The following DGKH variants were observed in gnomAD, a reference collection of about 807,000 sequenced individuals.
DGKH encodes DAG kinase eta.
In DGKH, 90 loss-of-function variants were observed where a neutral mutation model predicts 159.3. The observed-to-expected ratio is 0.57, with a 90% CI of 0.48 to 0.67. DGKH has a LOEUF of 0.67. DGKH is among the 30% of genes least tolerant of loss of function. DGKH has a pLI of 0.00. For synonymous variants in DGKH, 536 were observed against 553.8 expected (o/e 0.97, Z 0.45); for missense variants, 1,181 against 1,506.1 (o/e 0.78, Z 3.57).
chr13:42,089,545 T>C (rs778926478), intron 1 of DGKH, among the ~76,000 whole-genome samples: 12 of 152,206 alleles, frequency 7.9e-5, no homozygotes, highest in Non-Finnish European at 1.8e-4. Context: ...AGAATCTATT[T>C]CTTTGCCTTC....
intron 15 of DGKH, 132 bp downstream of exon 15, chr13:42,189,441 G>A (rs961390737): frequency 8.3e-7 from 1 of 1,208,352 alleles, no homozygotes; most frequent in Non-Finnish European, 1.1e-6. Context: ...AGAAGATACA[G>A]TCATTATAAG....
At chr13:42,120,180 G>A (rs1425892352) in intron 1 of DGKH, among the ~76,000 whole-genome samples, 3 of 152,140 alleles carry the variant, frequency 2.0e-5, no homozygotes, top group Non-Finnish European at 4.4e-5. Flanking sequence ...AAAATAATAT[G>A]TTACCCAGAG....
At chr13:42,250,249 A>G (rs1487931172) in intron 29 of DGKH, among the ~76,000 whole-genome samples, 2 of 151,180 alleles carry the variant, frequency 1.3e-5, no homozygotes, top group Non-Finnish European at 3.0e-5. Context: ...GATTATAGGC[A>G]TGAGCCCCCA....
At chr13:42,108,145 G>T (rs1430432346) in intron 1 of DGKH, among the ~76,000 whole-genome samples, 1 of 152,146 alleles carries the variant, frequency 6.6e-6, no homozygotes, top group Admixed American at 6.5e-5. Context: ...CCATCAGGAG[G>T]TTCTTTCTGG....
Position 42,256,422 on chromosome 13 carries a change from C to A in DGKH, n.4266C>A. ...GACAAGGCAGCAAAGATTGCTAAGA[C>A]AGCACACAAAAATGGATCAACCTTA... On this transcript the variant is annotated non_coding_transcript_exon_variant, in exon 31 of 31. Coordinates refer to the DGKH transcript ENST00000498255. 7 of 1,573,846 alleles carry A rather than the reference C, an allele frequency of 4.4e-6. 1 individual carries two copies. The South Asian group carries it at 7.8e-5, about 17-fold the overall frequency.
At chr13:42,040,782 G>A (rs1222090886) in intron 1 of DGKH, among the ~76,000 whole-genome samples, 1 of 147,664 alleles carries the variant, frequency 6.8e-6, no homozygotes, top group Non-Finnish European at 1.5e-5. Context: ...CGGCCGAGAG[G>A]GACCGCGGCG....
At chr13:42,164,990 CCTT>C (rs537588441) in intron 7 of DGKH, among the ~76,000 whole-genome samples, 11 of 151,782 alleles carry the variant, frequency 7.2e-5, no homozygotes, top group Non-Finnish European at 1.2e-4. Context: ...TAGTTTCCGT[CCTT>C]CTTCTTCCTT....
chr13:42,249,375 C>CA (rs1415202067), intron 29 of DGKH, among the ~76,000 whole-genome samples: 2 of 152,212 alleles, frequency 1.3e-5, no homozygotes, highest in Admixed American at 1.3e-4. Context: ...CATGCCACTG[C>CA]ACTCCTGCCT....
chr13:42,072,717 GA>G (rs1230063612), intron 1 of DGKH, among the ~76,000 whole-genome samples: 2 of 152,152 alleles, frequency 1.3e-5, no homozygotes, highest in East Asian at 3.8e-4. Flanking sequence ...ACACCTTATA[GA>G]ATGTAATGTT....
chr13:42,112,284 C>CTTTTTTTTT (rs58307947), intron 1 of DGKH, among the ~76,000 whole-genome samples: 6 of 122,824 alleles, frequency 4.9e-5, no homozygotes, highest in African/African-American at 3.2e-5. Flanking sequence ...AGCCTTGTGG[C>CTTTTTTTTT]TTTTTTTTTT....
At chr13:42,183,318 A>T in intron 13 of DGKH, among the ~76,000 whole-genome samples, 1 of 152,066 alleles carries the variant, frequency 6.6e-6, no homozygotes, top group Non-Finnish European at 1.5e-5. Flanking sequence ...AAATTCTATA[A>T]TGGTTTCCCT....
chr13:42,060,047 A>G (rs1882036358), intron 1 of DGKH, among the ~76,000 whole-genome samples: 1 of 152,116 alleles, frequency 6.6e-6, no homozygotes, highest in African/African-American at 2.4e-5. Flanking sequence ...CTGGGATTAC[A>G]GGTGCATGCC....
chr13:42,087,082 C>CACACAT (rs948876278), intron 1 of DGKH, among the ~76,000 whole-genome samples: 1 of 146,596 alleles, frequency 6.8e-6, no homozygotes, highest in Non-Finnish European at 1.5e-5. Flanking sequence ...CACACACACA[C>CACACAT]ACCTCAGAAC....
chr13:42,070,291 A>T, intron 1 of DGKH: 1 of 1,260,216 alleles, frequency 7.9e-7, no homozygotes, highest in Non-Finnish European at 1.2e-6. Flanking sequence ...GTGATTTCTA[A>T]TGTAAACTGG....
At chr13:42,056,186 A>G (rs1253963192) in intron 1 of DGKH, among the ~76,000 whole-genome samples, 1 of 152,180 alleles carries the variant, frequency 6.6e-6, no homozygotes, top group Non-Finnish European at 1.5e-5. Context: ...TTAAATTAGG[A>G]GTTAATGTGC....
At chr13:42,249,948 C>T (rs1381103868) in intron 29 of DGKH, among the ~76,000 whole-genome samples, 1 of 151,980 alleles carries the variant, frequency 6.6e-6, no homozygotes, top group Non-Finnish European at 1.5e-5. Context: ...CCTCCTCATT[C>T]ACTCCAGCTC....
intron 1 of DGKH, among the ~76,000 whole-genome samples, chr13:42,127,006 TC>T (rs1171113345): frequency 2.6e-5 from 4 of 152,198 alleles, no homozygotes; most frequent in Non-Finnish European, 5.9e-5. Flanking sequence ...CCTATTGTCA[TC>T]CCCATTTTAC....
At position 42,190,435 on chromosome 13, in the gene DGKH, C is replaced by T. The variant is rs1566174939; in HGVS notation, c.1945C>T (p.Pro649Ser). The change falls in exon 16 of 30, where the codon CCA (proline) becomes TCA (serine). Residue 649 changes from proline to serine, a missense_variant. Physicochemically the swap from Pro to Ser is moderately conservative, Grantham distance 74. Transcript: ENST00000337343. Reference protein sequence around the residue: ...MDDPTVHPCEPANQSSDYDST... With the variant: ...MDDPTVHPCESANQSSDYDST... Reference sequence around the variant, plus strand: ...TGACCCGACAGTTCACCCCTGTGAACCAGCTAATCAGTCCTCTGATTATGA... The same window carrying T: ...TGACCCGACAGTTCACCCCTGTGAATCAGCTAATCAGTCCTCTGATTATGA... 6.2e-7 allele frequency: 1 copy of T among 1,609,452 alleles called. No homozygotes were observed. Among genetic ancestry groups the T allele is most frequent in the East Asian group, 2.2e-5 (1 of 44,514 alleles).
chr13:42,084,577 A>G (rs750783501), intron 1 of DGKH, among the ~76,000 whole-genome samples: 3 of 152,162 alleles, frequency 2.0e-5, no homozygotes, highest in Non-Finnish European at 2.9e-5. Flanking sequence ...ATGTATTACA[A>G]TGTATTGCGT....
Sources: gnomAD v4.1 joint callset for allele counts (sites outside exome capture counted in the v4.1 genomes callset) on GRCh38, gnomAD v4.1.1 for gene constraint, MANE v1.5 for transcripts, NCBI Gene and HGNC (gene_info 2026-07-23, HGNC 2026-07-21) for gene names.